Variants in UBE2O observed in about 807,000 individuals in gnomAD.
UBE2O encodes ubiquitin conjugating enzyme E2 O, also known as (E3-independent) E2 ubiquitin-conjugating enzyme.
In UBE2O, 15 loss-of-function variants were observed where a neutral mutation model predicts 125.8. The ratio of observed to expected loss-of-function variants is 0.12; its 90% CI spans 0.08 to 0.18. The LOEUF (loss-of-function observed/expected upper bound fraction) is 0.18, where lower values mean the gene tolerates loss of function less well. UBE2O is among the 10% of genes least tolerant of loss of function. The pLI is 1.00. For missense variants in UBE2O, 1,280 were observed against 1,723.6 expected (o/e 0.74, Z 4.56); for synonymous variants, 708 against 703.2 (o/e 1.01, Z -0.11).
intron 1 of UBE2O, among the ~76,000 whole-genome samples, chr17:76,449,792 T>C (rs1332706663): frequency 1.3e-5 from 2 of 151,988 alleles, no homozygotes; most frequent in African/African-American, 2.4e-5. Context: ...TGATGGCGTA[T>C]GCCTGTAATC....
rs141700513 is a variant in UBE2O at position 76,391,473 on chromosome 17, G to T, written c.3349C>A (p.Arg1117=). 22 of 1,613,780 alleles carry T rather than the reference G, an allele frequency of 1.4e-5. No individual in the cohort carries two copies. In the South Asian group the frequency reaches 2.2e-4, roughly 16 times the overall value. Residue 1117 remains arginine (R), a synonymous_variant, in exon 18 of 18, where the codon CGG becomes AGG. Coordinates refer to ENST00000319380, the MANE Select transcript of UBE2O (RefSeq NM_022066.4). This position sits in a 1 kb window ranked among gnomAD's most constrained non-coding sequence, Gnocchi z 8.4. ...RVVQSMTQLV[R]RPPEVFEQEI... is the part of the protein sequence containing the mutation. ...TGCTCAAAGACCTCGGGGGGCCGCC[G>T]CACCAGCTGGGTCATGGACTGCACC...
At chr17:76,422,882 C>T (rs573037105) in intron 1 of UBE2O, among the ~76,000 whole-genome samples, 1 of 152,346 alleles carries the variant, frequency 6.6e-6, no homozygotes, top group East Asian at 1.9e-4. Context: ...GTGCCTGGAA[C>T]ACAGAAGGGT....
chr17:76,431,693 A>C (rs1337151405), intron 1 of UBE2O, among the ~76,000 whole-genome samples: 3 of 152,178 alleles, frequency 2.0e-5, no homozygotes, highest in Non-Finnish European at 4.4e-5. Context: ...CTGTAATCCC[A>C]GGAGCTGGGA....
At chr17:76,411,456 T>C (rs1598597515) in intron 1 of UBE2O, among the ~76,000 whole-genome samples, 1 of 152,108 alleles carries the variant, frequency 6.6e-6, no homozygotes, top group Admixed American at 6.5e-5. Flanking sequence ...GAACACTAAA[T>C]GGGCTCCCAG....
intron 1 of UBE2O, among the ~76,000 whole-genome samples, chr17:76,426,109 C>G (rs1330001070): frequency 6.6e-6 from 1 of 152,156 alleles, no homozygotes; most frequent in East Asian, 1.9e-4. Flanking sequence ...CTCAAATGAT[C>G]CTCTTACTTC....
intron 1 of UBE2O, among the ~76,000 whole-genome samples, chr17:76,425,101 G>A (rs2072784740): frequency 6.6e-6 from 1 of 151,250 alleles, no homozygotes; most frequent in South Asian, 2.1e-4. Context: ...TCGATCTCCT[G>A]ACCTCGTGAT....
chr17:76,391,285 G>T lies in UBE2O; in HGVS notation c.3537C>A (p.Asp1179Glu), dbSNP rs746126113. The change falls in exon 18 of 18, where the codon GAC becomes GAA. Residue 1179 changes from aspartate (D) to glutamate (E), a missense_variant. Transcript: ENST00000319380. The surrounding 1 kb of genome is among the most constrained non-coding windows in gnomAD (Gnocchi z 8.4). Reference protein sequence around the residue: ...PEPPAVAELSDSGQQEPEDGG... With the variant: ...PEPPAVAELSESGQQEPEDGG... Reference sequence around the variant, plus strand: ...CATCCTCAGGTTCTTGTTGGCCGGAGTCTGACAGCTCGGCTACAGCTGGGG... The same window carrying T: ...CATCCTCAGGTTCTTGTTGGCCGGATTCTGACAGCTCGGCTACAGCTGGGG... 1.8e-5 allele frequency: 29 copies of T among 1,612,780 alleles called. No individual in the cohort carries two copies. Among genetic ancestry groups the T allele is most frequent in the Non-Finnish European group, 2.5e-5 (29 of 1,179,962 alleles).
intron 1 of UBE2O, among the ~76,000 whole-genome samples, chr17:76,419,397 G>A (rs938296187): frequency 2.0e-5 from 3 of 151,990 alleles, no homozygotes; most frequent in African/African-American, 7.3e-5. Context: ...TGCTGATATG[G>A]GGGTGTAATG....
chr17:76,400,959 C>T lies in UBE2O; in HGVS notation c.894+52G>A, dbSNP rs1405816564. 1.0e-5 allele frequency: 16 copies of T among 1,603,762 alleles called. No individual in the cohort carries two copies. In the African/African-American group the frequency reaches 1.9e-4, roughly 19 times the overall value. ...GAAGGAAAGGGGCAGCAGCTCAGCT[C>T]CAGGGTGTGGAGGTCAAGGACTCCA... is the stretch of plus-strand genomic sequence containing the variant. On this transcript the variant is annotated intron_variant, in intron 6 of 17. Transcript: ENST00000319380. The surrounding 1 kb of genome is among the most constrained non-coding windows in gnomAD (Gnocchi z 4.3).
At position 76,452,521 on chromosome 17, in the gene UBE2O, G is replaced by A. The variant is rs542014655; in HGVS notation, c.417+204C>T. Among the ~76,000 whole-genome samples, 1 of 152,246 alleles carries A rather than the reference G, an allele frequency of 6.6e-6. No homozygotes were observed. The highest frequency in any genetic ancestry group is 1.5e-5 in the Non-Finnish European group (1 of 67,992). On this transcript the variant is annotated intron_variant, in intron 1 of 17. Coordinates refer to ENST00000319380, the MANE Select transcript of UBE2O (RefSeq NM_022066.4). This position sits in a 1 kb window ranked among gnomAD's most constrained non-coding sequence, Gnocchi z 4.4. Reference sequence around the variant, plus strand: ...GGAAGCCCAGGGCCCGCCCGGTCCCGGGCCAGCAGTGCCTGGCTGGCGTGT... The same window carrying A: ...GGAAGCCCAGGGCCCGCCCGGTCCCAGGCCAGCAGTGCCTGGCTGGCGTGT...
Position 76,428,848 on chromosome 17 carries a change from T to C in UBE2O, c.418-23276A>G, listed in dbSNP as rs73363345. On this transcript the variant is annotated intron_variant, in intron 1 of 17. Coordinates refer to ENST00000319380, the MANE Select transcript of UBE2O (RefSeq NM_022066.4). ...GATTTTCATATTGTCTGTGATTATA[T>C]AAGACATGACCATCAAGGGAAACTG... 6.6e-3 allele frequency among the ~76,000 whole-genome samples: 1,002 copies of C among 151,934 alleles called. 12 individuals are homozygous for C. Among genetic ancestry groups the C allele is most frequent in the African/African-American group, 0.022 (932 of 41,438 alleles).
chr17:76,427,411 G>C (rs946255187), intron 1 of UBE2O, among the ~76,000 whole-genome samples: 4 of 151,898 alleles, frequency 2.6e-5, no homozygotes, highest in African/African-American at 9.7e-5. Flanking sequence ...TCTTCTTTTA[G>C]CCCTTCAATC....
Position 76,402,254 on chromosome 17 carries a change from G to A in UBE2O, c.687-127C>T. On this transcript the variant is annotated intron_variant, in intron 4 of 17. Transcript: ENST00000319380. The surrounding 1 kb of genome is among the most constrained non-coding windows in gnomAD (Gnocchi z 5.4). ...CAATTCGTCTTCTACCATCAACTCA[G>A]CCCGAGGTAGTACAAGAAACTCTCC... The A allele has an allele frequency of 1.2e-6, 1 of 821,772 alleles. No homozygotes were observed. The highest frequency in any genetic ancestry group is 1.9e-6 in the Non-Finnish European group (1 of 516,746). The allele number at this position is 821,772 out of a possible 1,614,324, so 50.9% of individuals were successfully genotyped here.
intron 13 of UBE2O, among the ~76,000 whole-genome samples, chr17:76,397,074 C>G (rs2072223961): frequency 6.6e-6 from 1 of 152,226 alleles, no homozygotes; most frequent in South Asian, 2.1e-4. Flanking sequence ...TCCAGCCTCT[C>G]CTCCTGCTCT....
At chr17:76,415,002 T>A (rs552399943) in intron 1 of UBE2O, among the ~76,000 whole-genome samples, 28 of 152,290 alleles carry the variant, frequency 1.8e-4, no homozygotes, top group South Asian at 1.0e-3. Flanking sequence ...AGAAAAGTGA[T>A]CAGCATGATT....
At chr17:76,416,622 C>T (rs2072621328) in intron 1 of UBE2O, among the ~76,000 whole-genome samples, 1 of 152,334 alleles carries the variant, frequency 6.6e-6, no homozygotes, top group Middle Eastern at 3.4e-3. Context: ...CCGCGCTTCT[C>T]AAACACCTGC....
chr17:76,416,091 A>G (rs1421781738), intron 1 of UBE2O, among the ~76,000 whole-genome samples: 2 of 151,668 alleles, frequency 1.3e-5, no homozygotes, highest in African/African-American at 4.9e-5. Context: ...ATATGTACAT[A>G]CATGTATATG....
chr17:76,446,257 G>A (rs752102546), intron 1 of UBE2O, among the ~76,000 whole-genome samples: 4 of 152,172 alleles, frequency 2.6e-5, no homozygotes, highest in Admixed American at 6.5e-5. Flanking sequence ...TGAGGGGACC[G>A]ACCACCAGCG....
At chr17:76,423,933 G>A (rs567556273) in intron 1 of UBE2O, among the ~76,000 whole-genome samples, 160 of 116,158 alleles carry the variant, frequency 1.4e-3, no homozygotes, top group African/African-American at 4.8e-3. Flanking sequence ...ACGGAGTCTC[G>A]CTCTGTCACC....
Sources: gnomAD v4.1 joint callset for allele counts (sites outside exome capture counted in the v4.1 genomes callset) on GRCh38, gnomAD v4.1.1 for gene constraint, Gnocchi (gnomAD v3.1) non-coding constraint, MANE v1.5 for transcripts, NCBI Gene and HGNC (gene_info 2026-07-23, HGNC 2026-07-21) for gene names.